Variants in SLCO3A1 observed in about 807,000 individuals in gnomAD.
SLCO3A1 encodes the protein solute carrier organic anion transporter family member 3A1, also known as PGE1 transporter.
Under a neutral mutation model 63.1 loss-of-function variants are expected in SLCO3A1, and 27 were observed. That is an observed-to-expected ratio of 0.43 (90% CI 0.32 to 0.59). The LOEUF is 0.59. SLCO3A1 is among the 20% of genes least tolerant of loss of function. SLCO3A1 has a pLI of 0.09. For missense variants in SLCO3A1, 773 were observed against 945.8 expected, an observed-to-expected ratio of 0.82 and a Z score of 2.40; for synonymous variants, 473 against 409.9, an observed-to-expected ratio of 1.15 and a Z score of -1.86.
chr15:91,860,752 TTGCC>T lies in SLCO3A1; in HGVS notation c.180+6665_180+6668del, dbSNP rs1897028529. 6.6e-6 allele frequency among the ~76,000 whole-genome samples: 1 copy of T among 152,252 alleles called. No homozygotes were observed. Among genetic ancestry groups the T allele is most frequent in the Admixed American group, 6.5e-5 (1 of 15,288 alleles). On this transcript the variant is annotated intron_variant, in intron 1 of 9. Coordinates refer to ENST00000318445, the MANE Select transcript of SLCO3A1 (RefSeq NM_013272.4). This position sits in a 1 kb window ranked among gnomAD's most constrained non-coding sequence, Gnocchi z 5.5. Reference sequence around the variant, plus strand: ...GTGCCTTCGCAGAGCTCAGCCTTGGTTGCCCAGAGGGGCTCAGGTCTCACGTCTT... The same window carrying T: ...GTGCCTTCGCAGAGCTCAGCCTTGGTCAGAGGGGCTCAGGTCTCACGTCTT...
intron 2 of SLCO3A1, among the ~76,000 whole-genome samples, chr15:92,070,857 A>G (rs971111719): frequency 6.6e-6 from 1 of 152,168 alleles, no homozygotes; most frequent in Admixed American, 6.5e-5. Flanking sequence ...AACATCTGTT[A>G]GATATTTTAG....
chr15:91,909,495 C>G (rs1898415544), intron 1 of SLCO3A1, among the ~76,000 whole-genome samples: 1 of 152,138 alleles, frequency 6.6e-6, no homozygotes, highest in South Asian at 2.1e-4. Context: ...CAGGTTTTTG[C>G]AGGACCACAG....
intron 1 of SLCO3A1, among the ~76,000 whole-genome samples, chr15:91,864,938 G>A (rs1440630295): frequency 6.6e-6 from 1 of 152,220 alleles, no homozygotes; most frequent in Non-Finnish European, 1.5e-5. Flanking sequence ...CTGACAGGAT[G>A]TCACAGTCAC....
intron 7 of SLCO3A1, among the ~76,000 whole-genome samples, chr15:92,140,542 T>C (rs140152164): frequency 0.062 from 9,393 of 152,216 alleles, 419 homozygotes; most frequent in South Asian, 0.17. Context: ...TTGTTGACTT[T>C]CTGTCTCGTT....
chr15:91,932,803 G>A (rs749966822), intron 2 of SLCO3A1, among the ~76,000 whole-genome samples: 12 of 152,294 alleles, frequency 7.9e-5, no homozygotes, highest in East Asian at 3.9e-4. Flanking sequence ...TCTCATGGTC[G>A]TTAGATCTAG....
chr15:92,009,534 A>G (rs1288569283), intron 2 of SLCO3A1, among the ~76,000 whole-genome samples: 1 of 152,230 alleles, frequency 6.6e-6, no homozygotes, highest in Non-Finnish European at 1.5e-5. Flanking sequence ...TTCGTGTGTC[A>G]GGAAGACAGC....
At chr15:92,000,013 A>G (rs2046234613) in intron 2 of SLCO3A1, among the ~76,000 whole-genome samples, 1 of 152,238 alleles carries the variant, frequency 6.6e-6, no homozygotes, top group Non-Finnish European at 1.5e-5. Flanking sequence ...TATAAGATAG[A>G]ATACTATATG....
chr15:92,161,107 TCA>T (rs1491138862), intron 9 of SLCO3A1, among the ~76,000 whole-genome samples: 9 of 152,224 alleles, frequency 5.9e-5, no homozygotes, highest in Non-Finnish European at 1.0e-4. Flanking sequence ...CCCTGGGATC[TCA>T]GAGTTGGCCA....
intron 10 of SLCO3A1, chr15:92,171,554 T>C: frequency 2.0e-6 from 1 of 510,664 alleles, no homozygotes; most frequent in Non-Finnish European, 3.5e-6. Flanking sequence ...TAGATAAATA[T>C]CCTTCCCAGA....
At chr15:92,012,084 A>G (rs544250901) in intron 2 of SLCO3A1, among the ~76,000 whole-genome samples, 1 of 152,358 alleles carries the variant, frequency 6.6e-6, no homozygotes, top group Admixed American at 6.5e-5. Context: ...CAGAAGGCGG[A>G]GCCCTGCAGA....
intron 2 of SLCO3A1, among the ~76,000 whole-genome samples, chr15:92,036,309 C>CA (rs1244442816): frequency 1.3e-5 from 2 of 150,814 alleles, no homozygotes; most frequent in African/African-American, 4.9e-5. Context: ...GAAGGGCTGG[C>CA]AAAATACCAA....
chr15:92,122,811 G>A (rs1216234001), intron 5 of SLCO3A1, among the ~76,000 whole-genome samples: 1 of 152,178 alleles, frequency 6.6e-6, no homozygotes, highest in East Asian at 1.9e-4. Context: ...GTAAACTATT[G>A]CACAGAATGA....
chr15:92,157,596 T>C (rs1241631943), intron 9 of SLCO3A1, among the ~76,000 whole-genome samples: 1 of 152,040 alleles, frequency 6.6e-6, no homozygotes, highest in East Asian at 1.9e-4. Flanking sequence ...GTTCAAGCGA[T>C]TCTCCTGCCT....
At position 91,943,158 on chromosome 15, in the gene SLCO3A1, A is replaced by G. The variant is rs139273125; in HGVS notation, c.646+26700A>G. Among the ~76,000 whole-genome samples the G allele has an allele frequency of 1.1e-4, 16 of 152,330 alleles. No homozygotes were observed. The East Asian group carries it at 2.7e-3, about 26-fold the overall frequency. ...GTAAGTGTGCAGCCTAGTAGTGTTA[A>G]GGACACTCCCAGTGTTGTGCAATCT... is the stretch of plus-strand genomic sequence containing the variant. On this transcript the variant is annotated intron_variant, in intron 2 of 9. Coordinates refer to ENST00000318445, the MANE Select transcript of SLCO3A1 (RefSeq NM_013272.4).
intron 9 of SLCO3A1, among the ~76,000 whole-genome samples, chr15:92,155,807 T>C (rs983207254): frequency 2.0e-5 from 3 of 152,140 alleles, no homozygotes; most frequent in African/African-American, 7.2e-5. Flanking sequence ...TTGGAGCCCC[T>C]GGGACTGAGG....
chr15:92,158,773 C>A (rs540842577), intron 9 of SLCO3A1, among the ~76,000 whole-genome samples: 1 of 152,176 alleles, frequency 6.6e-6, no homozygotes, highest in African/African-American at 2.4e-5. Context: ...AGATGCAGTC[C>A]GTTCGTCTCT....
intron 2 of SLCO3A1, among the ~76,000 whole-genome samples, chr15:91,918,199 T>C (rs1004549868): frequency 4.6e-5 from 7 of 152,280 alleles, no homozygotes; most frequent in African/African-American, 1.7e-4. Context: ...GTTTGGGACA[T>C]GGGGGTGTGG....
In SLCO3A1 at chr15:91,959,423, T is replaced by A. The variant is rs1198232658; in HGVS notation, c.646+42965T>A. On this transcript the variant is annotated intron_variant, in intron 2 of 9. Transcript: ENST00000318445. ...AAACCACTGGTACTCCAAAAACGAT[T>A]GAAATTTTAAAAAAGAAAATTATAG... 2.0e-5 allele frequency among the ~76,000 whole-genome samples: 3 copies of A among 151,932 alleles called. No homozygotes were observed. In the East Asian group the frequency reaches 5.8e-4, roughly 29 times the overall value.
Position 91,948,793 on chromosome 15 carries a change from T to C in SLCO3A1, c.646+32335T>C, listed in dbSNP as rs1049436469. 6.6e-6 allele frequency among the ~76,000 whole-genome samples: 1 copy of C among 152,176 alleles called. No individual in the cohort carries two copies. Among genetic ancestry groups the C allele is most frequent in the Non-Finnish European group, 1.5e-5 (1 of 68,038 alleles). On this transcript the variant is annotated intron_variant, in intron 2 of 9. Coordinates refer to ENST00000318445, the MANE Select transcript of SLCO3A1 (RefSeq NM_013272.4). The surrounding 1 kb of genome is among the most constrained non-coding windows in gnomAD (Gnocchi z 4.8). ...CCTTTGGGTCCTGTATCCTGACTAA[T>C]GACCCCAAAGATATTCTGGGTGGCA...
Sources: gnomAD v4.1 joint callset for allele counts (sites outside exome capture counted in the v4.1 genomes callset) on GRCh38, gnomAD v4.1.1 for gene constraint, Gnocchi (gnomAD v3.1) non-coding constraint, MANE v1.5 for transcripts, NCBI Gene and HGNC (gene_info 2026-07-23, HGNC 2026-07-21) for gene names.